MAD1L1: variants seen among roughly 807,000 people sequenced by gnomAD.
MAD1L1 encodes the protein mitotic arrest deficient 1 like 1, also known as mitotic spindle assembly checkpoint protein MAD1.
A neutral mutation model predicts 96.9 loss-of-function variants in MAD1L1; 95 were observed. The observed-to-expected ratio is 0.98, with a 90% CI of 0.83 to 1.16. The LOEUF (loss-of-function observed/expected upper bound fraction) is 1.16. Among genes scored for constraint, MAD1L1 ranks in the 50% most tolerant of loss-of-function variants. The pLI is 0.00. For synonymous variants in MAD1L1, 473 were observed against 396.6 expected, an observed-to-expected ratio of 1.19 and a Z score of -2.29; for missense variants, 1,007 against 954.4, an observed-to-expected ratio of 1.06 and a Z score of -0.73.
At chr7:1,943,158 G>A (rs1049468433) in intron 16 of MAD1L1, among the ~76,000 whole-genome samples, 11 of 152,146 alleles carry the variant, frequency 7.2e-5, no homozygotes, top group Admixed American at 5.9e-4. Flanking sequence ...AAGCCCAACC[G>A]TAAAACCTGT....
chr7:2,162,723 A>ACC (rs1790222538), intron 10 of MAD1L1, among the ~76,000 whole-genome samples: 1 of 151,936 alleles, frequency 6.6e-6, no homozygotes, highest in Non-Finnish European at 1.5e-5. Flanking sequence ...AAAAAAAAAA[A>ACC]AAACGTAATG....
intron 18 of MAD1L1, among the ~76,000 whole-genome samples, chr7:1,895,819 C>T (rs547077964): frequency 7.9e-5 from 12 of 152,262 alleles, no homozygotes; most frequent in Non-Finnish European, 1.5e-4. Flanking sequence ...CACATTCACA[C>T]GGGCCTTGGG....
intron 11 of MAD1L1, among the ~76,000 whole-genome samples, chr7:2,081,674 G>A (rs376342116): frequency 2.9e-4 from 44 of 152,346 alleles, no homozygotes; most frequent in African/African-American, 1.0e-3. Context: ...ACAGGGGTCC[G>A]CCGTCACTGT....
At chr7:2,064,598 G>A (rs1409842218) in intron 12 of MAD1L1, among the ~76,000 whole-genome samples, 3 of 152,012 alleles carry the variant, frequency 2.0e-5, no homozygotes, top group African/African-American at 7.2e-5. Context: ...CTTCTCCCGG[G>A]AATGTGGCAG....
chr7:1,921,041 G>A (rs576656214), intron 17 of MAD1L1, among the ~76,000 whole-genome samples: 27 of 152,288 alleles, frequency 1.8e-4, no homozygotes, highest in Non-Finnish European at 3.5e-4. Flanking sequence ...GCGGAGAGGC[G>A]GCCTGGAGCC....
At chr7:2,098,424 G>GAGTCCCA (rs1318631374) in intron 11 of MAD1L1, among the ~76,000 whole-genome samples, 4 of 152,198 alleles carry the variant, frequency 2.6e-5, no homozygotes, top group Non-Finnish European at 5.9e-5. Flanking sequence ...AAGTGGGCAA[G>GAGTCCCA]AGTCCCTCCC....
intron 12 of MAD1L1, among the ~76,000 whole-genome samples, chr7:2,027,330 G>T (rs981100047): frequency 9.9e-5 from 15 of 152,234 alleles, no homozygotes; most frequent in Non-Finnish European, 1.3e-4. Flanking sequence ...GAAAACAACA[G>T]AAGACAACTT....
chr7:2,231,649 G>T (rs1242175120), intron 1 of MAD1L1, among the ~76,000 whole-genome samples: 1 of 151,962 alleles, frequency 6.6e-6, no homozygotes, highest in African/African-American at 2.4e-5. Context: ...CTGGCCTCTG[G>T]GAATCAGAAA....
chr7:2,164,680 T>A (rs1790340763), intron 10 of MAD1L1, among the ~76,000 whole-genome samples: 1 of 148,138 alleles, frequency 6.8e-6, no homozygotes, highest in Non-Finnish European at 1.5e-5. Flanking sequence ...AAACATATGG[T>A]GGTAGGGCAC....
At chr7:2,179,782 C>T (rs1791109458) in intron 10 of MAD1L1, among the ~76,000 whole-genome samples, 1 of 151,964 alleles carries the variant, frequency 6.6e-6, no homozygotes, top group Non-Finnish European at 1.5e-5. Flanking sequence ...CCAGCCTGGC[C>T]AACATGGTGA....
intron 11 of MAD1L1, 98 bp from the exon 12 acceptor site, chr7:2,069,436 A>G: frequency 1.6e-6 from 2 of 1,227,136 alleles, no homozygotes; most frequent in Non-Finnish European, 2.2e-6. Flanking sequence ...AGGACATCCT[A>G]AAATAGAGCT....
intron 11 of MAD1L1, among the ~76,000 whole-genome samples, chr7:2,124,009 G>C (rs963244346): frequency 6.6e-6 from 1 of 152,234 alleles, no homozygotes; most frequent in Non-Finnish European, 1.5e-5. Flanking sequence ...TGCTTCCTGG[G>C]AAGCCCCCTG....
chr7:1,888,400 G>A (rs1177995024), intron 18 of MAD1L1, among the ~76,000 whole-genome samples: 3 of 148,386 alleles, frequency 2.0e-5, no homozygotes, highest in East Asian at 2.0e-4. Context: ...GTGTGCATGC[G>A]TGTGGCTGCC....
intron 11 of MAD1L1, among the ~76,000 whole-genome samples, chr7:2,076,729 G>C (rs1406729027): frequency 2.0e-5 from 3 of 151,978 alleles, no homozygotes; most frequent in Admixed American, 2.0e-4. Flanking sequence ...CTGAGACAGG[G>C]TTACGACTTG....
Position 1,980,292 on chromosome 7 carries a change from G to A in MAD1L1, c.1505+161C>T, listed in dbSNP as rs545661812. Among the ~76,000 whole-genome samples the A allele has an allele frequency of 3.6e-3, 541 of 149,350 alleles. 4 individuals are homozygous for A. Among genetic ancestry groups the A allele is most frequent in the Non-Finnish European group, 5.0e-3 (337 of 67,712 alleles). On this transcript the variant is annotated intron_variant, in intron 15 of 18. Transcript: ENST00000265854. ...CCACAGGACACACCTGAGCACGTCCGCCTCTTCCTCCGTGGGACACACCTG... is the reference window on the plus strand; with the variant it reads ...CCACAGGACACACCTGAGCACGTCCACCTCTTCCTCCGTGGGACACACCTG...
At chr7:2,133,524 T>C (rs1174284976) in intron 11 of MAD1L1, among the ~76,000 whole-genome samples, 4 of 152,234 alleles carry the variant, frequency 2.6e-5, no homozygotes, top group African/African-American at 9.6e-5. Flanking sequence ...TTCTCAACAG[T>C]TTCCTTCGCA....
intron 11 of MAD1L1, among the ~76,000 whole-genome samples, chr7:2,071,799 C>T (rs1302962089): frequency 3.3e-5 from 5 of 151,708 alleles, no homozygotes; most frequent in African/African-American, 9.7e-5. Flanking sequence ...CAAAGGTTTT[C>T]CACCAGAGCT....
chr7:2,005,530 C>T (rs765910416), intron 13 of MAD1L1, among the ~76,000 whole-genome samples: 3 of 152,150 alleles, frequency 2.0e-5, no homozygotes, highest in Non-Finnish European at 2.9e-5. Flanking sequence ...ATCCAGGCAC[C>T]GTGCTCATGC....
At chr7:1,862,880 C>G (rs890337899) in intron 18 of MAD1L1, among the ~76,000 whole-genome samples, 2 of 152,248 alleles carry the variant, frequency 1.3e-5, no homozygotes, top group Admixed American at 6.5e-5. Context: ...TCTGGGCCCA[C>G]AGCTACTTGC....
Sources: allele counts gnomAD v4.1 joint callset (sites outside exome capture counted in the v4.1 genomes callset), GRCh38; gene constraint gnomAD v4.1.1; transcripts MANE v1.5; gene names NCBI Gene and HGNC (gene_info 2026-07-23, HGNC 2026-07-21).